MRPS18A: variants seen among roughly 807,000 people sequenced by gnomAD.
MRPS18A encodes the protein mitochondrial ribosomal protein S18A.
MRPS18A carries 20 observed loss-of-function variants against 22.7 expected under a neutral mutation model. The ratio of observed to expected loss-of-function variants is 0.88; its 90% CI spans 0.62 to 1.28. The LOEUF (loss-of-function observed/expected upper bound fraction) is 1.28. Ranked by LOEUF, MRPS18A falls within the 50% of genes most tolerant of loss-of-function variation. MRPS18A has a pLI of 0.00. For missense variants in MRPS18A, 294 were observed against 262.6 expected (o/e 1.12, Z -0.83); for synonymous variants, 106 against 99.1 (o/e 1.07, Z -0.41).
intron 3 of MRPS18A, among the ~76,000 whole-genome samples, chr6:43,677,334 C>T (rs1333457402): frequency 6.6e-6 from 1 of 152,150 alleles, no homozygotes; most frequent in Non-Finnish European, 1.5e-5. Flanking sequence ...CCAAGGCTTC[C>T]AGCCCACGAG....
intron 2 of MRPS18A, 102 bp downstream of exon 2, chr6:43,680,987 T>G (rs1168680532): frequency 9.3e-7 from 1 of 1,073,952 alleles, no homozygotes; most frequent in African/African-American, 1.6e-5. Flanking sequence ...GAGCTGATCC[T>G]GGAGCTGGGC....
chr6:43,686,868 TC>T (rs1774734699), intron 1 of MRPS18A, among the ~76,000 whole-genome samples: 1 of 152,202 alleles, frequency 6.6e-6, no homozygotes, highest in Non-Finnish European at 1.5e-5. Flanking sequence ...TCAAGACACA[TC>T]CTCTTTATGA....
intron 3 of MRPS18A, among the ~76,000 whole-genome samples, chr6:43,676,466 CCT>C (rs1194481388): frequency 5.9e-5 from 9 of 152,290 alleles, no homozygotes; most frequent in Non-Finnish European, 1.2e-4. Flanking sequence ...ATCTAGGCCC[CCT>C]GTGACCAGAT....
chr6:43,680,401 T>A (rs1774334380), intron 2 of MRPS18A, among the ~76,000 whole-genome samples: 1 of 152,142 alleles, frequency 6.6e-6, no homozygotes, highest in Non-Finnish European at 1.5e-5. Flanking sequence ...CTGGTTGACA[T>A]GGAAGTTACA....
chr6:43,686,678 T>C (rs1774719470), intron 1 of MRPS18A, among the ~76,000 whole-genome samples: 1 of 152,228 alleles, frequency 6.6e-6, no homozygotes, highest in Non-Finnish European at 1.5e-5. Flanking sequence ...TTCCACTGGA[T>C]ACTTCTCAGC....
In MRPS18A at chr6:43,683,567, T is replaced by C. The variant is rs1774529812; in HGVS notation, c.113-2447A>G. 2.0e-5 allele frequency among the ~76,000 whole-genome samples: 3 copies of C among 152,174 alleles called. No homozygotes were observed. The South Asian group carries it at 6.2e-4, about 31-fold the overall frequency. ...CTAAGAAAAGCTGGACTGAGAGATT[T>C]AGGCAGTAACAGAAAACTTGTTTAG... On this transcript the variant is annotated intron_variant, in intron 1 of 5. Transcript: ENST00000372133.
chr6:43,679,627 G>A (rs1037275976), intron 2 of MRPS18A, among the ~76,000 whole-genome samples: 3 of 152,162 alleles, frequency 2.0e-5, no homozygotes, highest in Non-Finnish European at 2.9e-5. Context: ...GAGGCTGTGG[G>A]TTATGAGAGT....
Position 43,678,639 on chromosome 6 carries a change from A to C in MRPS18A, c.145-14T>G, listed in dbSNP as rs201408823. The stretch of plus-strand genomic sequence containing the variant: ...ACGGCCTTCAATCTAGGAGACAGAG[A>C]AAGTGAGCCAGTGTGAGAGACAGGA... On this transcript the variant is annotated splice_polypyrimidine_tract_variant and intron_variant, in intron 2 of 5. Transcript: ENST00000372133. The C allele has an allele frequency of 6.3e-7, 1 of 1,590,466 alleles. No individual in the cohort carries two copies. Among genetic ancestry groups the C allele is most frequent in the East Asian group, 2.2e-5 (1 of 44,734 alleles).
chr6:43,678,095 C>T (rs1219629354), intron 3 of MRPS18A, among the ~76,000 whole-genome samples: 1 of 152,054 alleles, frequency 6.6e-6, no homozygotes, highest in Admixed American at 6.6e-5. Flanking sequence ...GTCTGAGGCA[C>T]GACCAGACCA....
rs954191416 is a variant in MRPS18A at position 43,673,541 on chromosome 6, C to G, written c.447-1635G>C. On this transcript the variant is annotated intron_variant, in intron 5 of 5. Transcript: ENST00000372133. The surrounding 1 kb of genome is among the most constrained non-coding windows in gnomAD (Gnocchi z 4.2). The stretch of plus-strand genomic sequence containing the variant: ...AAGCTGGGCTTTAGCTGGCCTTGGG[C>G]CTGATGCCTGCGCCACACGGAGCGG... Among the ~76,000 whole-genome samples the G allele has an allele frequency of 6.6e-6, 1 of 152,234 alleles. No individual in the cohort carries two copies. The highest frequency in any genetic ancestry group is 6.5e-5 in the Admixed American group (1 of 15,274).
intron 5 of MRPS18A, among the ~76,000 whole-genome samples, 155 bp downstream of exon 5, chr6:43,675,047 G>A (rs1773973987): frequency 6.6e-6 from 1 of 152,162 alleles, no homozygotes; most frequent in Non-Finnish European, 1.5e-5. Context: ...GGCTGAGGTT[G>A]GCAAAGAAGG....
chr6:43,679,130 T>A lies in MRPS18A; in HGVS notation c.145-505A>T, dbSNP rs562198791. 6.6e-5 allele frequency among the ~76,000 whole-genome samples: 10 copies of A among 152,354 alleles called. No homozygotes were observed. In the East Asian group the frequency reaches 1.9e-3, roughly 29 times the overall value. ...GCTTTATCTTACAGAGCTAAGGCTA[T>A]GCCAATGGGTCTCAACCAGAGGTGA... On this transcript the variant is annotated intron_variant, in intron 2 of 5. Transcript: ENST00000372133.
At chr6:43,683,424 G>A (rs1285986463) in intron 1 of MRPS18A, among the ~76,000 whole-genome samples, 1 of 152,162 alleles carries the variant, frequency 6.6e-6, no homozygotes, top group African/African-American at 2.4e-5. Context: ...CTCGAAAGAG[G>A]AGATAGGAAT....
intron 3 of MRPS18A, 158 bp downstream of exon 3, chr6:43,678,360 T>G: frequency 1.7e-6 from 1 of 590,826 alleles, no homozygotes; most frequent in Non-Finnish European, 3.1e-6. Flanking sequence ...GATTCTAATG[T>G]GCAGCCAGGG....
At position 43,672,459 on chromosome 6, in the gene MRPS18A, G is replaced by C. The variant is rs891404836; in HGVS notation, c.447-553C>G. On this transcript the variant is annotated intron_variant, in intron 5 of 5. Coordinates refer to ENST00000372133, the MANE Select transcript of MRPS18A (RefSeq NM_018135.4). The stretch of plus-strand genomic sequence containing the variant: ...TAGGAAGGTTCCTGTAAATAGGAGG[G>C]GGGTGGGGAAAGATGGCTGCCGCCC... 8.5e-6 allele frequency: 4 copies of C among 470,036 alleles called. No individual in the cohort carries two copies. The Admixed American group carries it at 9.4e-5, about 11-fold the overall frequency. The allele number at this position is 470,036 out of a possible 1,614,324, so 29.1% of individuals were successfully genotyped here. A position where few individuals can be genotyped will look rare whatever the true frequency, so the allele number is the denominator to read the frequency against.
intron 3 of MRPS18A, among the ~76,000 whole-genome samples, chr6:43,677,024 AAAC>A (rs2127945832): frequency 6.6e-6 from 1 of 152,348 alleles, no homozygotes; most frequent in East Asian, 1.9e-4. Flanking sequence ...GTAAGAGGAA[AAAC>A]AACTTTAGCC....
chr6:43,686,538 C>T (rs1488613373), intron 1 of MRPS18A, among the ~76,000 whole-genome samples: 1 of 152,174 alleles, frequency 6.6e-6, no homozygotes, highest in Non-Finnish European at 1.5e-5. Flanking sequence ...AACTGGATTC[C>T]TTGTTTGCCA....
At chr6:43,678,914 A>G (rs977971765) in intron 2 of MRPS18A, among the ~76,000 whole-genome samples, 13 of 149,984 alleles carry the variant, frequency 8.7e-5, no homozygotes, top group Admixed American at 7.3e-4. Context: ...TGCTCTATCA[A>G]TTGAATGCTA....
chr6:43,678,978 C>T (rs1320660909), intron 2 of MRPS18A, among the ~76,000 whole-genome samples: 1 of 152,182 alleles, frequency 6.6e-6, no homozygotes, highest in Non-Finnish European at 1.5e-5. Flanking sequence ...TTTTTCCCCT[C>T]CTTGGCTTTT....
Sources: allele counts gnomAD v4.1 joint callset (sites outside exome capture counted in the v4.1 genomes callset), GRCh38; gene constraint gnomAD v4.1.1; non-coding constraint Gnocchi (gnomAD v3.1); transcripts MANE v1.5; gene names NCBI Gene and HGNC (gene_info 2026-07-23, HGNC 2026-07-21).